CIT: variants seen among roughly 807,000 people sequenced by gnomAD.
CIT encodes the protein citron rho-interacting serine/threonine kinase.
CIT carries 79 observed loss-of-function variants against 272.7 expected under a neutral mutation model. The ratio of observed to expected loss-of-function variants is 0.29; its 90% CI spans 0.24 to 0.35. The LOEUF is 0.35. Among genes scored for constraint, CIT ranks in the 10% least tolerant of loss-of-function variants. The probability of loss-of-function intolerance (pLI) is 1.00; values close to 1 mark genes in which losing one functional copy is unlikely to be tolerated. For synonymous variants in CIT, 948 were observed against 995.6 expected, an observed-to-expected ratio of 0.95 and a Z score of 0.90; for missense variants, 1,909 against 2,618.3, an observed-to-expected ratio of 0.73 and a Z score of 5.91.
At position 119,774,941 on chromosome 12, in the gene CIT, C is replaced by T. The variant is rs186958659; in HGVS notation, c.1941+845G>A. Among the ~76,000 whole-genome samples the T allele has an allele frequency of 1.5e-3, 223 of 151,694 alleles. 1 individual carries two copies. The highest frequency in any genetic ancestry group is 5.2e-3 in the African/African-American group (216 of 41,324). On this transcript the variant is annotated intron_variant, in intron 16 of 47. Coordinates refer to ENST00000392521, the MANE Select transcript of CIT (RefSeq NM_001206999.2). Reference sequence around the variant, plus strand: ...GTGAGCCATGATCATGCCCTGCACTCCAGCCTGGGTGACAGAGTGAGACCC... The same window carrying T: ...GTGAGCCATGATCATGCCCTGCACTTCAGCCTGGGTGACAGAGTGAGACCC...
chr12:119,802,477 A>C (rs1966277249), intron 10 of CIT, among the ~76,000 whole-genome samples: 1 of 152,306 alleles, frequency 6.6e-6, no homozygotes, highest in African/African-American at 2.4e-5. Context: ...AGAGGTTTAC[A>C]GTGATATTTA....
rs377149379 is a variant in CIT, at chr12:119,710,244, C to T, written c.5071+7G>A. The stretch of plus-strand genomic sequence containing the variant: ...AAAGAAAAAACACCATGTCCTTGGC[C>T]TCACACCTGCTATCATGAGTAGCTT... On this transcript the variant is annotated splice_region_variant and intron_variant, in intron 39 of 47. Transcript: ENST00000392521. The surrounding 1 kb of genome is among the most constrained non-coding windows in gnomAD (Gnocchi z 5.6). 56 of 1,613,220 alleles carry T rather than the reference C, an allele frequency of 3.5e-5. No individual in the cohort carries two copies. In the African/African-American group the frequency reaches 5.9e-4, roughly 17 times the overall value.
chr12:119,744,995 C>T (rs1270982144), intron 23 of CIT, among the ~76,000 whole-genome samples: 4 of 151,712 alleles, frequency 2.6e-5, no homozygotes, highest in Admixed American at 1.3e-4. Context: ...AGTAGCCTAA[C>T]ATACATGCAA....
chr12:119,806,137 CAAAAAAAA>C (rs3858711), intron 9 of CIT, among the ~76,000 whole-genome samples: 29 of 62,672 alleles, frequency 4.6e-4, no homozygotes, highest in African/African-American at 2.0e-3. Context: ...AACACCATCT[CAAAAAAAA>C]AAAAAAAAAA....
chr12:119,773,013 CT>C, intron 16 of CIT, 103 bp from the exon 17 acceptor site: 1 of 512,092 alleles, frequency 2.0e-6, no homozygotes, highest in Non-Finnish European at 2.7e-6. Flanking sequence ...AAAGTATAAT[CT>C]AAAAAAAAAA....
intron 26 of CIT, 144 bp from the exon 27 acceptor site, chr12:119,730,774 T>C: frequency 1.2e-6 from 1 of 829,874 alleles, no homozygotes. Flanking sequence ...AGTTCCAAAC[T>C]GTCTTCCTTT....
At position 119,803,213 on chromosome 12, in the gene CIT, T is replaced by G. The variant is rs754905414; in HGVS notation, c.1288A>C (p.Arg430=). ...AGTCAAATTTTCACTTACTCAGATC[T>G]ACCAAGAATCCCCAGTGCCTTGCTG... is the stretch of plus-strand genomic sequence containing the variant. ...SYSKALGILG[R]SESVVSGLDS... is the part of the protein sequence containing the mutation. Residue 430 remains arginine (R), a synonymous_variant, in exon 10 of 48, where the codon AGA becomes CGA. Transcript: ENST00000392521. The G allele has an allele frequency of 1.4e-6, 2 of 1,471,948 alleles. No individual in the cohort carries two copies. The highest frequency in any genetic ancestry group is 1.8e-6 in the Non-Finnish European group (2 of 1,105,000). The allele number at this position is 1,471,948 out of a possible 1,614,324, so 91.2% of individuals were successfully genotyped here.
intron 10 of CIT, among the ~76,000 whole-genome samples, chr12:119,800,063 T>C (rs1043585122): frequency 1.3e-5 from 2 of 152,078 alleles, no homozygotes; most frequent in African/African-American, 4.8e-5. Context: ...CCCTTGCTAA[T>C]GGGAAGGAAA....
Position 119,712,732 on chromosome 12 carries a change from A to G in CIT, c.4580-37T>C. ...GAGGAAGGGCAGAAAGAAAAACAAA[A>G]GAACAGGAACAAGAACAAGGGGAGA... is the stretch of plus-strand genomic sequence containing the variant. On this transcript the variant is annotated intron_variant, in intron 35 of 47. Transcript: ENST00000392521. This position sits in a 1 kb window ranked among gnomAD's most constrained non-coding sequence, Gnocchi z 5.2. The G allele has an allele frequency of 6.5e-7, 1 of 1,544,550 alleles. No homozygotes were observed.
chr12:119,849,447 G>C (rs1970052640), intron 5 of CIT, among the ~76,000 whole-genome samples: 1 of 152,038 alleles, frequency 6.6e-6, no homozygotes, highest in Non-Finnish European at 1.5e-5. Context: ...AAAAGGAAAA[G>C]AAAATGGGGG....
intron 10 of CIT, among the ~76,000 whole-genome samples, chr12:119,796,466 C>T (rs1030569674): frequency 6.6e-6 from 1 of 152,100 alleles, no homozygotes; most frequent in Admixed American, 6.5e-5. Flanking sequence ...AAAGAATTTA[C>T]GATGACTCAG....
intron 26 of CIT, among the ~76,000 whole-genome samples, chr12:119,732,542 A>G (rs1432441005): frequency 6.6e-6 from 1 of 152,182 alleles, no homozygotes; most frequent in South Asian, 2.1e-4. Context: ...CCCTCACATC[A>G]ACAAATACCC....
chr12:119,734,246 T>A lies in CIT; in HGVS notation c.3268A>T (p.Ser1090Cys). Residue 1090 changes from serine to cysteine, a missense_variant, in exon 26 of 48, where the codon AGC becomes TGC. This residue lies in a region of CIT where 530 missense variants were observed against 822.4 expected (regional missense o/e 0.64). Coordinates refer to ENST00000392521, the MANE Select transcript of CIT (RefSeq NM_001206999.2). ...EKERQWEAWR[S>C]VLGDEKSQFE... ...TGGGATTTCTCATCACCCAGGACGC[T>A]CCTCCAGGCCTCCCACTGCCGCTCT... is the stretch of plus-strand genomic sequence containing the variant. 6.2e-7 allele frequency: 1 copy of A among 1,613,764 alleles called. No individual in the cohort carries two copies. Among genetic ancestry groups the A allele is most frequent in the Non-Finnish European group, 8.5e-7 (1 of 1,179,948 alleles).
intron 2 of CIT, among the ~76,000 whole-genome samples, chr12:119,875,417 G>A (rs1426736289): frequency 6.6e-6 from 1 of 152,188 alleles, no homozygotes; most frequent in African/African-American, 2.4e-5. Flanking sequence ...TCTGCACAGT[G>A]TCTTTTTTCC....
chr12:119,698,590 A>T (rs1315967684), intron 44 of CIT, among the ~76,000 whole-genome samples: 1 of 13,106 alleles, frequency 7.6e-5, no homozygotes. Context: ...ACTCTGTCTC[A>T]AAAAAAAAAA....
chr12:119,726,385 ATTTTTTT>A (rs3999547), intron 28 of CIT, among the ~76,000 whole-genome samples: 1 of 101,418 alleles, frequency 9.9e-6, no homozygotes, highest in African/African-American at 4.2e-5. Flanking sequence ...CACTTGGCTA[ATTTTTTT>A]TTTTTTTTTT....
intron 8 of CIT, among the ~76,000 whole-genome samples, chr12:119,823,480 T>C (rs1967895596): frequency 6.6e-6 from 1 of 152,082 alleles, no homozygotes; most frequent in South Asian, 2.1e-4. Flanking sequence ...TACCTAACAG[T>C]ACCTGGTATG....
intron 5 of CIT, among the ~76,000 whole-genome samples, chr12:119,840,948 C>T (rs561755769): frequency 1.3e-5 from 2 of 152,220 alleles, no homozygotes; most frequent in South Asian, 4.1e-4. Context: ...AAACAGCCCA[C>T]TTTCAAATTG....
chr12:119,765,213 A>T (rs1000707237), intron 19 of CIT, among the ~76,000 whole-genome samples: 14 of 151,960 alleles, frequency 9.2e-5, no homozygotes, highest in African/African-American at 3.1e-4. Context: ...AATCTACTCA[A>T]AAGCCCGGGA....
Sources: gnomAD v4.1 joint callset for allele counts (sites outside exome capture counted in the v4.1 genomes callset) on GRCh38, gnomAD v4.1.1 for gene constraint, gnomAD v4.1.1 regional missense constraint, Gnocchi (gnomAD v3.1) non-coding constraint, MANE v1.5 for transcripts, NCBI Gene and HGNC (gene_info 2026-07-23, HGNC 2026-07-21) for gene names.